The following PLD5 variants were observed in gnomAD, a reference collection of about 807,000 sequenced individuals.
PLD5 encodes the protein inactive phospholipase D5.
A neutral mutation model predicts 61.1 loss-of-function variants in PLD5; 36 were observed. That is an observed-to-expected ratio of 0.59 (90% CI 0.45 to 0.78). The LOEUF is 0.78. Ranked by LOEUF, PLD5 falls within the 30% of genes least tolerant of loss-of-function variation. PLD5 has a pLI of 0.00. For missense variants in PLD5, 515 were observed against 644.4 expected, an observed-to-expected ratio of 0.80 and a Z score of 2.17; for synonymous variants, 243 against 242.8, an observed-to-expected ratio of 1.00 and a Z score of -0.01.
chr1:242,140,359 T>C (rs1490250499), intron 5 of PLD5, among the ~76,000 whole-genome samples: 3 of 152,224 alleles, frequency 2.0e-5, no homozygotes, highest in Non-Finnish European at 4.4e-5. Context: ...GGATACTTTC[T>C]GAGGCTGGGC....
intron 7 of PLD5, among the ~76,000 whole-genome samples, chr1:242,110,319 T>G (rs1661386041): frequency 6.6e-6 from 1 of 152,006 alleles, no homozygotes; most frequent in African/African-American, 2.4e-5. Context: ...TGTTTTAACA[T>G]AAGAATTAAA....
intron 9 of PLD5, among the ~76,000 whole-genome samples, chr1:242,092,843 G>A (rs1398111448): frequency 6.6e-6 from 1 of 151,868 alleles, no homozygotes; most frequent in Non-Finnish European, 1.5e-5. Flanking sequence ...TTTTCCATTT[G>A]GCACCCCTGA....
intron 1 of PLD5, among the ~76,000 whole-genome samples, chr1:242,360,422 A>G (rs1661001693): frequency 6.6e-6 from 1 of 152,182 alleles, no homozygotes; most frequent in Non-Finnish European, 1.5e-5. Flanking sequence ...TTTCTACTGG[A>G]TATCAGTTTT....
At chr1:242,417,786 T>C (rs1302290146) in intron 1 of PLD5, among the ~76,000 whole-genome samples, 1 of 152,080 alleles carries the variant, frequency 6.6e-6, no homozygotes, top group Non-Finnish European at 1.5e-5. Flanking sequence ...GGGATGGTGG[T>C]ATGGGATAGA....
At chr1:242,465,878 G>T (rs756691918) in intron 1 of PLD5, among the ~76,000 whole-genome samples, 1 of 152,168 alleles carries the variant, frequency 6.6e-6, no homozygotes, top group Admixed American at 6.5e-5. Flanking sequence ...GCAGTGAGCC[G>T]AGATCGTGCC....
chr1:242,262,507 A>C (rs1343337606), intron 4 of PLD5, among the ~76,000 whole-genome samples: 1 of 152,250 alleles, frequency 6.6e-6, no homozygotes, highest in Non-Finnish European at 1.5e-5. Flanking sequence ...TAAGGTGATA[A>C]TAACCATGTG....
intron 5 of PLD5, among the ~76,000 whole-genome samples, chr1:242,214,895 G>A (rs1325234803): frequency 2.1e-4 from 2 of 9,756 alleles, no homozygotes; most frequent in Non-Finnish European, 4.7e-4. Context: ...TTTTTTTTTT[G>A]AGATGGAGTC....
chr1:242,471,193 C>T (rs1381973546), intron 1 of PLD5, among the ~76,000 whole-genome samples: 3 of 152,226 alleles, frequency 2.0e-5, no homozygotes, highest in Non-Finnish European at 4.4e-5. Context: ...ACCCTTTACA[C>T]CTCTCGGTTC....
intron 1 of PLD5, among the ~76,000 whole-genome samples, chr1:242,501,877 G>A (rs972360507): frequency 2.0e-5 from 3 of 150,404 alleles, no homozygotes; most frequent in Non-Finnish European, 4.4e-5. Context: ...ATTAACTTGG[G>A]GTATATTCTG....
At position 242,288,541 on chromosome 1, in the gene PLD5, A is replaced by G. The variant is rs1377622500; in HGVS notation, c.327-11T>C. 1.8e-5 allele frequency: 29 copies of G among 1,593,502 alleles called. No individual in the cohort carries two copies. Among genetic ancestry groups the G allele is most frequent in the African/African-American group, 2.7e-5 (2 of 73,732 alleles). ...TCCACCAGGGCAATTCTTAGAAAAG[A>G]TTTTGAAAAACAAACAAACAAAATC... On this transcript the variant is annotated splice_polypyrimidine_tract_variant and intron_variant, in intron 2 of 9. Coordinates refer to ENST00000536534, the MANE Select transcript of PLD5 (RefSeq NM_001372062.1).
At chr1:242,133,329 T>A (rs915113467) in intron 5 of PLD5, among the ~76,000 whole-genome samples, 5 of 152,154 alleles carry the variant, frequency 3.3e-5, no homozygotes, top group African/African-American at 1.2e-4. Flanking sequence ...TGTAAACATA[T>A]AACCAATGGG....
chr1:242,341,212 A>C (rs1659812675), intron 2 of PLD5, among the ~76,000 whole-genome samples: 1 of 151,116 alleles, frequency 6.6e-6, no homozygotes. Flanking sequence ...TTAAAAGGGA[A>C]AACAATGATT....
At chr1:242,226,521 C>T (rs1389606521) in intron 4 of PLD5, among the ~76,000 whole-genome samples, 1 of 152,182 alleles carries the variant, frequency 6.6e-6, no homozygotes, top group Non-Finnish European at 1.5e-5. Flanking sequence ...TACTTTCATG[C>T]TATCCAGGCA....
chr1:242,257,123 C>T (rs1322157807), intron 4 of PLD5, among the ~76,000 whole-genome samples: 1 of 151,872 alleles, frequency 6.6e-6, no homozygotes, highest in Non-Finnish European at 1.5e-5. Context: ...TAACTATCTA[C>T]CTACCTATCT....
At chr1:242,153,982 A>G (rs1318011046) in intron 5 of PLD5, among the ~76,000 whole-genome samples, 2 of 152,174 alleles carry the variant, frequency 1.3e-5, no homozygotes, top group Non-Finnish European at 2.9e-5. Context: ...ATCCATGAGC[A>G]TGGGATGTTT....
chr1:242,434,570 A>G (rs1228129863), intron 1 of PLD5, among the ~76,000 whole-genome samples: 2 of 152,134 alleles, frequency 1.3e-5, no homozygotes, highest in Non-Finnish European at 2.9e-5. Context: ...ATTCATTGTC[A>G]TATGTTATCT....
chr1:242,405,645 A>G lies in PLD5; in HGVS notation c.190-57403T>C, dbSNP rs1664197070. Among the ~76,000 whole-genome samples the G allele has an allele frequency of 2.7e-5, 4 of 150,706 alleles. No individual in the cohort carries two copies. In the South Asian group the frequency reaches 8.4e-4, roughly 32 times the overall value. On this transcript the variant is annotated intron_variant, in intron 1 of 9. Coordinates refer to ENST00000536534, the MANE Select transcript of PLD5 (RefSeq NM_001372062.1). ...AGATGGAGTTTCACTCTTATTGCCC[A>G]GGCTGGAGTGCAATGGCACAATCTC...
At chr1:242,217,646 T>C (rs10926652) in intron 5 of PLD5, among the ~76,000 whole-genome samples, 91,153 of 152,042 alleles carry the variant, frequency 0.6, 29,679 homozygotes, top group South Asian at 0.81. Flanking sequence ...ATTTGGGATT[T>C]ACGGGAGAAG....
At chr1:242,317,664 A>G (rs1194255838) in intron 2 of PLD5, among the ~76,000 whole-genome samples, 1 of 152,112 alleles carries the variant, frequency 6.6e-6, no homozygotes, top group East Asian at 1.9e-4. Context: ...TTCTGGTGGT[A>G]ATATTATGAA....
Sources: allele counts gnomAD v4.1 joint callset (sites outside exome capture counted in the v4.1 genomes callset), GRCh38; gene constraint gnomAD v4.1.1; transcripts MANE v1.5; gene names NCBI Gene and HGNC (gene_info 2026-07-23, HGNC 2026-07-21).